KNTC1: variants seen among roughly 807,000 people sequenced by gnomAD.
KNTC1 encodes the protein kinetochore associated 1, also known as kinetochore-associated protein 1.
Under a neutral mutation model 314.4 loss-of-function variants are expected in KNTC1, and 253 were observed. The ratio of observed to expected loss-of-function variants is 0.80; its 90% CI spans 0.73 to 0.89. KNTC1 has a LOEUF of 0.89. Among genes scored for constraint, KNTC1 ranks in the 40% least tolerant of loss-of-function variants. KNTC1 has a pLI of 0.00. For synonymous variants in KNTC1, 901 were observed against 901.4 expected, an observed-to-expected ratio of 1.00 and a Z score of 0.01; for missense variants, 2,475 against 2,572.9, an observed-to-expected ratio of 0.96 and a Z score of 0.82.
At position 122,577,686 on chromosome 12, in the gene KNTC1, C is replaced by T. The variant is rs186505286; in HGVS notation, c.2736C>T (p.Leu912=). 69 of 1,613,572 alleles carry T rather than the reference C, an allele frequency of 4.3e-5. No individual in the cohort carries two copies. The African/African-American group carries it at 6.8e-4, about 16-fold the overall frequency. ...CCTGTTTATAGGGTGAAGACTGTCT[C>T]CTTCTGTTGAAGTCTTTGCCTCCTG... ...LIDREQGEDC[L]LLLKSLPPAE... The change falls in exon 31 of 64, where the codon CTC becomes CTT. Residue 912 remains leucine, a synonymous_variant. Transcript: ENST00000333479.
chr12:122,605,211 G>T (rs373283277), intron 50 of KNTC1, 95 bp from the exon 51 acceptor site: 46 of 960,156 alleles, frequency 4.8e-5, no homozygotes, highest in Non-Finnish European at 5.8e-5. Context: ...ATACTTATAT[G>T]TGTATGTATG....
chr12:122,554,176 C>G (rs563487912), intron 16 of KNTC1, among the ~76,000 whole-genome samples: 1 of 149,086 alleles, frequency 6.7e-6, no homozygotes, highest in East Asian at 2.0e-4. Flanking sequence ...AGTAATCCAC[C>G]TGCCTTAGCC....
chr12:122,541,635 G>A (rs1962347351), intron 5 of KNTC1, among the ~76,000 whole-genome samples: 1 of 142,080 alleles, frequency 7.0e-6, no homozygotes, highest in Non-Finnish European at 1.6e-5. Flanking sequence ...GTGAGCCACT[G>A]CGCCCCGCCT....
intron 18 of KNTC1, 104 bp downstream of exon 18, chr12:122,557,793 T>A: frequency 1.3e-6 from 1 of 752,818 alleles, no homozygotes; most frequent in East Asian, 2.7e-5. Flanking sequence ...ATCCGCTATG[T>A]GTATTATTAA....
chr12:122,541,580 C>T (rs1359962665), intron 5 of KNTC1, among the ~76,000 whole-genome samples: 1 of 151,630 alleles, frequency 6.6e-6, no homozygotes, highest in African/African-American at 2.4e-5. Flanking sequence ...CTCCTGACCT[C>T]GTGATCTACC....
Position 122,556,473 on chromosome 12 carries a change from TCTA to T in KNTC1, c.1273-908_1273-906del, listed in dbSNP as rs1015240798. On this transcript the variant is annotated intron_variant, in intron 16 of 63. Transcript: ENST00000333479. ...TCCCCTGGGCTCTAGTTGTCACCAT[TCTA>T]CTCTCTACTTTTTTTTTTTTTTTTT... is the stretch of plus-strand genomic sequence containing the variant. 8.8e-5 allele frequency among the ~76,000 whole-genome samples: 13 copies of T among 147,824 alleles called. 1 individual carries two copies. The highest frequency in any genetic ancestry group is 6.7e-5 in the Admixed American group (1 of 14,818).
chr12:122,608,060 T>C (rs1244523156), intron 51 of KNTC1, among the ~76,000 whole-genome samples: 1 of 152,208 alleles, frequency 6.6e-6, no homozygotes, highest in Non-Finnish European at 1.5e-5. Flanking sequence ...TAGGCAGATA[T>C]TCTTGGGGGA....
At position 122,612,789 on chromosome 12, in the gene KNTC1, C is replaced by G. The variant is rs148532600; in HGVS notation, c.5623-323C>G. ...GGCTGCAACAACAGTTGGGGGCCCTCCCTCCATTCTGCCTGCAATTTCACC... is the reference window on the plus strand; with the variant it reads ...GGCTGCAACAACAGTTGGGGGCCCTGCCTCCATTCTGCCTGCAATTTCACC... On this transcript the variant is annotated intron_variant, in intron 53 of 63. Coordinates refer to ENST00000333479, the MANE Select transcript of KNTC1 (RefSeq NM_014708.6). The G allele has an allele frequency of 6.4e-3, 1,354 of 211,722 alleles. 18 individuals are homozygous for G. Among genetic ancestry groups the G allele is most frequent in the African/African-American group, 0.03 (1,301 of 43,422 alleles). 13.1% of individuals were successfully genotyped at this position (211,722 alleles called of 1,614,324 possible).
rs772010398 is a variant in KNTC1 at position 122,605,435 on chromosome 12, G to A, written c.5496+20G>A. ...GGTGAAGTAAGTACTTGCTGCCCAAGAGTATCTGTAGTTGAGTATGCACTG... is the reference window on the plus strand; with the variant it reads ...GGTGAAGTAAGTACTTGCTGCCCAAAAGTATCTGTAGTTGAGTATGCACTG... On this transcript the variant is annotated intron_variant, in intron 51 of 63. Coordinates refer to ENST00000333479, the MANE Select transcript of KNTC1 (RefSeq NM_014708.6). 1.5e-6 allele frequency: 2 copies of A among 1,297,366 alleles called. No homozygotes were observed. The highest frequency in any genetic ancestry group is 2.2e-6 in the Non-Finnish European group (2 of 908,244). 80.4% of individuals were successfully genotyped at this position (1,297,366 alleles called of 1,614,324 possible). A position where few individuals can be genotyped will look rare whatever the true frequency, so the allele number is the denominator to read the frequency against.
chr12:122,589,706 G>A (rs951054001), intron 40 of KNTC1, among the ~76,000 whole-genome samples: 7 of 150,882 alleles, frequency 4.6e-5, no homozygotes, highest in East Asian at 3.9e-4. Flanking sequence ...TCTTGGCCTC[G>A]AGCAATCCTT....
chr12:122,573,987 A>T (rs549181437), intron 26 of KNTC1, among the ~76,000 whole-genome samples: 1 of 152,288 alleles, frequency 6.6e-6, no homozygotes, highest in Non-Finnish European at 1.5e-5. Flanking sequence ...CTCAATAAAT[A>T]TTAGCAGTTA....
At position 122,584,414 on chromosome 12, in the gene KNTC1, G is replaced by C. The variant is rs1330621580; in HGVS notation, c.3400G>C (p.Asp1134His). The change falls in exon 35 of 64, where the codon GAT (aspartate) becomes CAT (histidine). Residue 1134 changes from aspartate to histidine, a missense_variant. Coordinates refer to ENST00000333479, the MANE Select transcript of KNTC1 (RefSeq NM_014708.6). ...VGLNLPSMIH[D>H]LASQAATICS... ...ACTGAATCTTCCTTCCATGATACAT[G>C]ATCTAGCAAGCCAAGCTGCCACCAT... 2 of 1,611,592 alleles carry C rather than the reference G, an allele frequency of 1.2e-6. No homozygotes were observed. The highest frequency in any genetic ancestry group is 3.4e-5 in the Admixed American group (2 of 59,646).
chr12:122,530,068 G>A lies in KNTC1; in HGVS notation c.5G>A (p.Trp2Ter), dbSNP rs1306686430. 6.2e-7 allele frequency: 1 copy of A among 1,613,326 alleles called. No individual in the cohort carries two copies. Among genetic ancestry groups the A allele is most frequent in the East Asian group, 2.2e-5 (1 of 44,854 alleles). Residue 2 changes from tryptophan to a stop codon, truncating the protein, a stop_gained, in exon 2 of 64, where the codon TGG (tryptophan) becomes TAG (stop). Transcript: ENST00000333479. LOFTEE classifies it high-confidence loss of function. M[W>*]NDIELLTNDD... ...CAGGAAGACAGTCTCAGAAACATGT[G>A]GAATGATATTGAGCTGCTAACAAAT...
chr12:122,542,652 C>G (rs1962431678), intron 6 of KNTC1, among the ~76,000 whole-genome samples: 1 of 152,016 alleles, frequency 6.6e-6, no homozygotes, highest in African/African-American at 2.4e-5. Flanking sequence ...GTAATCCCAG[C>G]TAGTCGGGAA....
At chr12:122,586,679 A>G (rs754189118) in intron 37 of KNTC1, 22 bp from the exon 38 acceptor site, 3 of 1,345,022 alleles carry the variant, frequency 2.2e-6, no homozygotes, top group South Asian at 3.3e-5. Context: ...AGTGTTGTTT[A>G]ATGTTTTATT....
At chr12:122,554,073 A>AT (rs1345319411) in intron 16 of KNTC1, among the ~76,000 whole-genome samples, 8,226 of 86,426 alleles carry the variant, frequency 0.095, 341 homozygotes, top group Non-Finnish European at 0.13. Flanking sequence ...TTAAAAAAAA[A>AT]AAAATATATA....
At chr12:122,607,999 C>G (rs1401404815) in intron 51 of KNTC1, among the ~76,000 whole-genome samples, 2 of 152,162 alleles carry the variant, frequency 1.3e-5, no homozygotes, top group East Asian at 3.8e-4. Context: ...ATCATTTCTT[C>G]TGAATTTTCA....
chr12:122,603,802 T>C (rs147186944), intron 48 of KNTC1, among the ~76,000 whole-genome samples: 2 of 152,166 alleles, frequency 1.3e-5, no homozygotes, highest in African/African-American at 4.8e-5. Context: ...AATCGCACTT[T>C]CAATGAGGAA....
intron 16 of KNTC1, among the ~76,000 whole-genome samples, chr12:122,554,064 T>TAAAAAAAA (rs71085821): frequency 8.2e-6 from 1 of 122,562 alleles, no homozygotes; most frequent in Non-Finnish European, 1.6e-5. Flanking sequence ...AATACTTCCT[T>TAAAAAAAA]AAAAAAAAAA....
Sources: allele counts gnomAD v4.1 joint callset (sites outside exome capture counted in the v4.1 genomes callset), GRCh38; gene constraint gnomAD v4.1.1; transcripts MANE v1.5; gene names NCBI Gene and HGNC (gene_info 2026-07-23, HGNC 2026-07-21).